The following USP44 variants were observed in gnomAD, a reference collection of about 807,000 sequenced individuals.
The protein encoded by USP44 is ubiquitin carboxyl-terminal hydrolase 44.
Under a neutral mutation model 69.0 loss-of-function variants are expected in USP44, and 61 were observed. The observed-to-expected ratio is 0.88, with a 90% CI of 0.72 to 1.09. The LOEUF (loss-of-function observed/expected upper bound fraction) is 1.09, where lower values mean the gene tolerates loss of function less well. Ranked by LOEUF, USP44 falls within the 50% of genes least tolerant of loss-of-function variation. The pLI is 0.00. For synonymous variants in USP44, 297 were observed against 295.4 expected, an observed-to-expected ratio of 1.01 and a Z score of -0.06; for missense variants, 753 against 849.9, an observed-to-expected ratio of 0.89 and a Z score of 1.42.
At chr12:95,522,925 A>G (rs555580413) in intron 4 of USP44, among the ~76,000 whole-genome samples, 137 of 152,244 alleles carry the variant, frequency 9.0e-4, no homozygotes, top group African/African-American at 3.1e-3. Context: ...GCTTCCTTCC[A>G]AACACTGCCC....
intron 1 of USP44, among the ~76,000 whole-genome samples, chr12:95,540,996 T>C (rs1166754094): frequency 6.6e-6 from 1 of 152,204 alleles, no homozygotes; most frequent in African/African-American, 2.4e-5. Context: ...AACATTTGTT[T>C]TGGCCAGGCG....
intron 3 of USP44, among the ~76,000 whole-genome samples, chr12:95,525,058 A>G (rs1332708236): frequency 6.6e-6 from 1 of 152,226 alleles, no homozygotes; most frequent in Admixed American, 6.5e-5. Context: ...AGAACAAAGT[A>G]TACTGCTATA....
Position 95,518,323 on chromosome 12 carries a change from A to C in USP44, c.1970T>G (p.Leu657Arg). The C allele has an allele frequency of 1.2e-6, 2 of 1,614,210 alleles. No individual in the cohort carries two copies. Among genetic ancestry groups the C allele is most frequent in the Non-Finnish European group, 1.7e-6 (2 of 1,180,028 alleles). The change falls in exon 6 of 6, where the codon CTA becomes CGA. Residue 657 changes from leucine (L) to arginine (R), a missense_variant. Leu to Arg is a moderately radical substitution (Grantham distance 102). Transcript: ENST00000258499. Reference sequence around the variant, plus strand: ...TACTTCATCCATAGTGCACATGCTTAGTTTGGAATCATTGCAGTGTACCCA... The same window carrying C: ...TACTTCATCCATAGTGCACATGCTTCGTTTGGAATCATTGCAGTGTACCCA... ...GFWVHCNDSK[L>R]SMCTMDEVCK...
chr12:95,536,037 TCC>T (rs201457608), intron 1 of USP44, among the ~76,000 whole-genome samples: 10,019 of 143,352 alleles, frequency 0.07, 542 homozygotes, highest in Non-Finnish European at 0.11. Flanking sequence ...TCCTTTTTTT[TCC>T]TTTTTTTTTT....
chr12:95,528,564 T>G (rs2076923747), intron 3 of USP44, among the ~76,000 whole-genome samples: 1 of 152,208 alleles, frequency 6.6e-6, no homozygotes, highest in South Asian at 2.1e-4. Context: ...TATTTAAACT[T>G]GTTATGAATC....
chr12:95,535,279 A>T (rs531531088), intron 1 of USP44: 44 of 152,322 alleles, frequency 2.9e-4, no homozygotes, highest in African/African-American at 9.9e-4. Context: ...GGTAGTTTTA[A>T]TTGTATCTAT....
chr12:95,543,482 G>C (rs946017677), intron 1 of USP44, among the ~76,000 whole-genome samples: 2 of 150,376 alleles, frequency 1.3e-5, no homozygotes, highest in African/African-American at 4.9e-5. Flanking sequence ...GCAAGACCCT[G>C]TCTCTAGAAA....
Position 95,536,659 on chromosome 12 carries a change from CA to C in USP44, c.-70-2334del, listed in dbSNP as rs2077215325. ...TGCCTCTACTGCCACCAGCCTGATC[CA>C]AGCTACAATCAAGTCTTACCGGGAT... is the stretch of plus-strand genomic sequence containing the variant. On this transcript the variant is annotated intron_variant, in intron 1 of 5. Coordinates refer to ENST00000258499, the MANE Select transcript of USP44 (RefSeq NM_032147.5). Among the ~76,000 whole-genome samples the C allele has an allele frequency of 3.9e-5, 6 of 152,110 alleles. No homozygotes were observed. The South Asian group carries it at 1.2e-3, about 32-fold the overall frequency.
intron 1 of USP44, among the ~76,000 whole-genome samples, chr12:95,535,906 A>G (rs2077182125): frequency 6.6e-6 from 1 of 152,170 alleles, no homozygotes; most frequent in South Asian, 2.1e-4. Flanking sequence ...GAAAACTGCA[A>G]AAGCAGTTGA....
In USP44 at chr12:95,520,983, T is replaced by C. The variant is rs550427070; in HGVS notation, c.1939+14A>G. The C allele has an allele frequency of 3.2e-5, 52 of 1,613,524 alleles. No homozygotes were observed. The South Asian group carries it at 5.5e-4, about 17-fold the overall frequency. On this transcript the variant is annotated intron_variant, in intron 5 of 5. Coordinates refer to ENST00000258499, the MANE Select transcript of USP44 (RefSeq NM_032147.5). ...AAGTCCAACCCAAGATAAAATACTT[T>C]TTCTTATCTATACCTCCTTCAGAAT...
intron 1 of USP44, among the ~76,000 whole-genome samples, chr12:95,536,409 A>T (rs930873406): frequency 2.6e-5 from 4 of 152,142 alleles, no homozygotes; most frequent in Non-Finnish European, 5.9e-5. Flanking sequence ...CCAGAGGTTT[A>T]AAATCTGGTC....
At chr12:95,549,949 C>T (rs578017684) in intron 1 of USP44, among the ~76,000 whole-genome samples, 1 of 152,142 alleles carries the variant, frequency 6.6e-6, no homozygotes, top group South Asian at 2.1e-4. Flanking sequence ...GAGGCCAAGG[C>T]GGGTGGATCA....
chr12:95,522,158 T>C (rs531263106), intron 4 of USP44: 1 of 968,744 alleles, frequency 1.0e-6, no homozygotes, highest in Admixed American at 6.2e-5. Context: ...TTCAAGAGAT[T>C]ATAATCCAGT....
intron 1 of USP44, among the ~76,000 whole-genome samples, chr12:95,550,887 G>C (rs2077712830): frequency 6.6e-6 from 1 of 152,172 alleles, no homozygotes; most frequent in South Asian, 2.1e-4. Context: ...CTAGGAAGAG[G>C]TGCGGAGTGG....
intron 2 of USP44, 62 bp from the exon 3 acceptor site, chr12:95,529,064 C>T (rs2076940736): frequency 1.4e-5 from 19 of 1,377,964 alleles, no homozygotes; most frequent in Non-Finnish European, 1.7e-5. Context: ...TAACTCTTTT[C>T]ACTAGAGGTC....
chr12:95,549,298 ATGACGGCTGT>A (rs1422421100), intron 1 of USP44, among the ~76,000 whole-genome samples: 2 of 152,208 alleles, frequency 1.3e-5, no homozygotes, highest in South Asian at 4.1e-4. Flanking sequence ...TTCAGTGGCG[ATGACGGCTGT>A]GAATTGGGTT....
At position 95,531,764 on chromosome 12, in the gene USP44, A is replaced by G. The variant is rs140341758; in HGVS notation, c.1428+1065T>C. ...TATTACAATGCAAGTTGAACTGAAG[A>G]ACAGAGGCAGGTGTGCAGGGGGAAG... is the stretch of plus-strand genomic sequence containing the variant. On this transcript the variant is annotated intron_variant, in intron 2 of 5. Transcript: ENST00000258499. 6.7e-4 allele frequency among the ~76,000 whole-genome samples: 102 copies of G among 152,338 alleles called. 1 individual carries two copies. Among genetic ancestry groups the G allele is most frequent in the Non-Finnish European group, 9.7e-4 (66 of 68,026 alleles).
intron 1 of USP44, among the ~76,000 whole-genome samples, chr12:95,544,278 A>G (rs866661164): frequency 4.6e-5 from 7 of 151,934 alleles, no homozygotes; most frequent in Admixed American, 6.5e-5. Context: ...GATGGTCTCG[A>G]TCTCCTGACC....
Position 95,524,663 on chromosome 12 carries a change from C to A in USP44, c.1733+17G>T. ...AGCACAAGGAATGATAACTTTGCAA[C>A]TGGTCCTACTACAGACCTGAATCGT... On this transcript the variant is annotated intron_variant, in intron 4 of 5. Coordinates refer to ENST00000258499, the MANE Select transcript of USP44 (RefSeq NM_032147.5). 1 of 1,560,426 alleles carries A rather than the reference C, an allele frequency of 6.4e-7. No homozygotes were observed. The highest frequency in any genetic ancestry group is 1.2e-5 in the South Asian group (1 of 83,652).
Sources: gnomAD v4.1 joint callset for allele counts (sites outside exome capture counted in the v4.1 genomes callset) on GRCh38, gnomAD v4.1.1 for gene constraint, MANE v1.5 for transcripts, NCBI Gene and HGNC (gene_info 2026-07-23, HGNC 2026-07-21) for gene names.